KCNAB1: variants seen among roughly 807,000 people sequenced by gnomAD.
The protein encoded by KCNAB1 is voltage-gated potassium channel subunit beta-1.
Under a neutral mutation model 64.6 loss-of-function variants are expected in KCNAB1, and 35 were observed. The observed-to-expected ratio is 0.54, with a 90% CI of 0.41 to 0.72. The LOEUF (loss-of-function observed/expected upper bound fraction) is 0.72. KCNAB1 is among the 30% of genes least tolerant of loss of function. The pLI, the probability that KCNAB1 is intolerant of heterozygous loss-of-function variation, is 0.00. For synonymous variants in KCNAB1, 177 were observed against 183.8 expected, an observed-to-expected ratio of 0.96 and a Z score of 0.30; for missense variants, 401 against 512.9, an observed-to-expected ratio of 0.78 and a Z score of 2.11.
At position 156,193,860 on chromosome 3, in the gene KCNAB1, AT is replaced by A. The variant is rs1403835815; in HGVS notation, c.275+72976del. Reference sequence around the variant, plus strand: ...GTATGATGTTTGCTAGGTTAGGTGTATTAAATGCATTTTCAACCTATGATAT... The same window carrying A: ...GTATGATGTTTGCTAGGTTAGGTGTATAAATGCATTTTCAACCTATGATAT... On this transcript the variant is annotated intron_variant, in intron 1 of 13. Transcript: ENST00000490337. Among the ~76,000 whole-genome samples, 9 of 152,206 alleles carry A rather than the reference AT, an allele frequency of 5.9e-5. 1 individual carries two copies. Among genetic ancestry groups the A allele is most frequent in the Non-Finnish European group, 8.8e-5 (6 of 68,034 alleles).
chr3:156,185,543 A>G (rs546366463), intron 1 of KCNAB1, among the ~76,000 whole-genome samples: 1 of 152,380 alleles, frequency 6.6e-6, no homozygotes, highest in Admixed American at 6.5e-5. Flanking sequence ...ATGAAGGCCC[A>G]AAGACCCAGC....
At chr3:156,365,891 G>A (rs1229592529) in intron 1 of KCNAB1, among the ~76,000 whole-genome samples, 1 of 152,204 alleles carries the variant, frequency 6.6e-6, no homozygotes, top group East Asian at 1.9e-4. Flanking sequence ...TTGCAGAAAT[G>A]AAATTGTCAG....
chr3:156,501,794 G>A (rs948115202), intron 8 of KCNAB1, among the ~76,000 whole-genome samples: 3 of 152,098 alleles, frequency 2.0e-5, no homozygotes, highest in African/African-American at 7.2e-5. Context: ...AGACATATCC[G>A]AGACTGGGAA....
intron 8 of KCNAB1, among the ~76,000 whole-genome samples, chr3:156,496,610 G>A (rs1017453248): frequency 2.6e-5 from 4 of 152,110 alleles, no homozygotes; most frequent in Admixed American, 6.6e-5. Context: ...GGTATAGAAC[G>A]TTTGCATACA....
At chr3:156,119,372 G>A (rs1214221940), upstream of KCNAB1, among the ~76,000 whole-genome samples, 7 of 152,318 alleles carry the variant, frequency 4.6e-5, no homozygotes, top group East Asian at 1.9e-4. Context: ...CCTCCATACC[G>A]TGGTGGCAGA....
chr3:156,393,398 C>A (rs1713186979), intron 1 of KCNAB1, among the ~76,000 whole-genome samples: 1 of 152,198 alleles, frequency 6.6e-6, no homozygotes, highest in South Asian at 2.1e-4. Flanking sequence ...TCAGGATGCC[C>A]TCCTTCTCCC....
At chr3:156,308,321 A>C (rs1325454159) in intron 1 of KCNAB1, among the ~76,000 whole-genome samples, 2 of 152,158 alleles carry the variant, frequency 1.3e-5, no homozygotes, top group Non-Finnish European at 2.9e-5. Flanking sequence ...AGGACTTTTC[A>C]TTTTATTCTG....
intron 1 of KCNAB1, among the ~76,000 whole-genome samples, chr3:156,413,628 C>T (rs1423591122): frequency 1.3e-5 from 2 of 152,236 alleles, no homozygotes; most frequent in Non-Finnish European, 2.9e-5. Flanking sequence ...CTGCATTTCA[C>T]CACTGCACTC....
intron 2 of KCNAB1, chr3:156,446,011 T>C (rs1222803649): frequency 6.6e-6 from 1 of 152,220 alleles, no homozygotes; most frequent in East Asian, 1.9e-4. Context: ...TCTAATGATG[T>C]AGCAAGACAT....
intron 8 of KCNAB1, among the ~76,000 whole-genome samples, chr3:156,510,679 C>G (rs1717147655): frequency 6.6e-6 from 1 of 152,232 alleles, no homozygotes; most frequent in African/African-American, 2.4e-5. Context: ...ACATCACTGA[C>G]ACTGAAGCTG....
chr3:156,334,274 G>A (rs1438670487), intron 1 of KCNAB1, among the ~76,000 whole-genome samples: 1 of 152,192 alleles, frequency 6.6e-6, no homozygotes, highest in African/African-American at 2.4e-5. Flanking sequence ...TAAGTGGACA[G>A]TTACACCATC....
chr3:156,471,780 T>C (rs542540001), intron 7 of KCNAB1, among the ~76,000 whole-genome samples: 11 of 152,324 alleles, frequency 7.2e-5, no homozygotes, highest in African/African-American at 2.6e-4. Context: ...TCATGAAACA[T>C]ATCTTAATGT....
At chr3:156,373,177 G>A (rs781299838) in intron 1 of KCNAB1, among the ~76,000 whole-genome samples, 9 of 152,216 alleles carry the variant, frequency 5.9e-5, no homozygotes, top group African/African-American at 2.4e-5. Flanking sequence ...CAAGGCAGCT[G>A]AGCAGCTGAA....
chr3:156,252,161 C>A (rs1349498808), intron 1 of KCNAB1, among the ~76,000 whole-genome samples: 1 of 152,246 alleles, frequency 6.6e-6, no homozygotes, highest in Non-Finnish European at 1.5e-5. Flanking sequence ...CTGGGCCATA[C>A]AGACATTGGG....
chr3:156,410,577 A>C (rs115504103), intron 1 of KCNAB1, among the ~76,000 whole-genome samples: 2,072 of 152,330 alleles, frequency 0.014, 23 homozygotes, highest in South Asian at 0.034. Flanking sequence ...GCTATTGCCC[A>C]TTCAGAACAG....
chr3:156,481,419 CAAAA>C (rs34963527), intron 8 of KCNAB1, among the ~76,000 whole-genome samples: 7 of 119,470 alleles, frequency 5.9e-5, no homozygotes, highest in Non-Finnish European at 7.3e-5. Context: ...AAGCTTGTTG[CAAAA>C]AAAAAAAAAA....
At chr3:156,265,415 G>A (rs1174699964) in intron 1 of KCNAB1, among the ~76,000 whole-genome samples, 1 of 152,026 alleles carries the variant, frequency 6.6e-6, no homozygotes, top group South Asian at 2.1e-4. Context: ...CCCATCCCTG[G>A]GTCAATGCTG....
intron 1 of KCNAB1, among the ~76,000 whole-genome samples, chr3:156,248,185 C>A (rs1717580188): frequency 6.6e-6 from 1 of 152,164 alleles, no homozygotes; most frequent in Non-Finnish European, 1.5e-5. Context: ...AAACTATATT[C>A]CATATTTTGC....
In KCNAB1 at chr3:156,463,826, C is replaced by A. The variant is rs1011355161; in HGVS notation, c.527+80C>A. 9 of 1,114,046 alleles carry A rather than the reference C, an allele frequency of 8.1e-6. No homozygotes were observed. In the African/African-American group the frequency reaches 1.1e-4, roughly 14 times the overall value. 69.0% of individuals were successfully genotyped at this position (1,114,046 alleles called of 1,614,324 possible). On this transcript the variant is annotated intron_variant, in intron 6 of 13. Coordinates refer to ENST00000490337, the MANE Select transcript of KCNAB1 (RefSeq NM_172160.3). Reference sequence around the variant, plus strand: ...TGTTAGGCAGTTATTTTACATATAACGTACCAAAATTAATTGGCTTAGAGA... The same window carrying A: ...TGTTAGGCAGTTATTTTACATATAAAGTACCAAAATTAATTGGCTTAGAGA...
Sources: allele counts gnomAD v4.1 joint callset (sites outside exome capture counted in the v4.1 genomes callset), GRCh38; gene constraint gnomAD v4.1.1; transcripts MANE v1.5; gene names NCBI Gene and HGNC (gene_info 2026-07-23, HGNC 2026-07-21).